OTUB1: variants seen among roughly 807,000 people sequenced by gnomAD.
OTUB1 encodes the protein OTU deubiquitinase, ubiquitin aldehyde binding 1, also known as ubiquitin thioesterase OTUB1.
A neutral mutation model predicts 35.8 loss-of-function variants in OTUB1; 10 were observed. The observed-to-expected ratio is 0.28, with a 90% confidence interval of 0.17 to 0.47. The LOEUF (loss-of-function observed/expected upper bound fraction) is 0.47, where lower values mean the gene tolerates loss of function less well. OTUB1 is among the 20% of genes least tolerant of loss of function. The pLI, the probability that OTUB1 is intolerant of heterozygous loss-of-function variation, is 0.99. For synonymous variants in OTUB1, 158 were observed against 143.8 expected (o/e 1.10, Z -0.71); for missense variants, 264 against 351.6 (o/e 0.75, Z 1.99).
chr11:63,987,335 G>A (rs1047232658), intron 1 of OTUB1, among the ~76,000 whole-genome samples: 9 of 152,230 alleles, frequency 5.9e-5, no homozygotes, highest in Non-Finnish European at 1.0e-4. Flanking sequence ...GAGGGAACGA[G>A]AAGTGGGAAA....
Position 63,986,609 on chromosome 11 carries a change from C to T in OTUB1, c.58+95C>T, listed in dbSNP as rs1942622293. On this transcript the variant is annotated intron_variant, in intron 1 of 6. Transcript: ENST00000538426. Reference sequence around the variant, plus strand: ...GGGAGGGGAGGCAGGGCCGCTGGCTCTGGGGTCGAGGTGCGCGAGGGGTCC... The same window carrying T: ...GGGAGGGGAGGCAGGGCCGCTGGCTTTGGGGTCGAGGTGCGCGAGGGGTCC... The T allele has an allele frequency of 1.9e-5, 23 of 1,181,478 alleles. No homozygotes were observed. In the South Asian group the frequency reaches 2.8e-4, roughly 15 times the overall value. The allele number at this position is 1,181,478 out of a possible 1,614,324, so 73.2% of individuals were successfully genotyped here.
At chr11:63,988,553 C>A in intron 2 of OTUB1, 101 bp from the exon 3 acceptor site, 2 of 1,248,594 alleles carry the variant, frequency 1.6e-6, no homozygotes, top group Non-Finnish European at 2.3e-6. Flanking sequence ...GGTCGCTGTG[C>A]CACCGGGTGA....
intron 3 of OTUB1, among the ~76,000 whole-genome samples, chr11:63,991,572 C>G (rs1565185161): frequency 6.6e-6 from 1 of 152,212 alleles, no homozygotes; most frequent in African/African-American, 2.4e-5. Flanking sequence ...AGAGCCCAAG[C>G]AGAGAGAGCT....
At chr11:63,990,812 C>T (rs1405536027) in intron 3 of OTUB1, among the ~76,000 whole-genome samples, 3 of 152,056 alleles carry the variant, frequency 2.0e-5, no homozygotes, top group African/African-American at 7.2e-5. Flanking sequence ...AGGAGGGCAG[C>T]ACAGCTCAGT....
chr11:63,993,393 G>C (rs2134308872), intron 3 of OTUB1, among the ~76,000 whole-genome samples: 1 of 152,294 alleles, frequency 6.6e-6, no homozygotes, highest in Admixed American at 6.5e-5. Context: ...TAGGGGCAAT[G>C]GCTCATGCCT....
Position 63,998,114 on chromosome 11 carries a change from G to A in OTUB1, c.*568G>A. ...CGGCTCAGGGCAGGTGGAGGAGCTG[G>A]GCCTCCCACAGGGTGCCCGGGCAGT... is the stretch of plus-strand genomic sequence containing the variant. On this transcript the variant is annotated 3_prime_UTR_variant, in exon 7 of 7. Coordinates refer to ENST00000538426, the MANE Select transcript of OTUB1 (RefSeq NM_017670.3). The A allele has an allele frequency of 3.0e-6, 1 of 334,798 alleles. No homozygotes were observed. The highest frequency in any genetic ancestry group is 5.6e-6 in the Non-Finnish European group (1 of 178,510). 20.7% of individuals were successfully genotyped at this position (334,798 alleles called of 1,614,324 possible).
At chr11:63,990,311 G>C (rs964180759) in intron 3 of OTUB1, 2 of 152,086 alleles carry the variant, frequency 1.3e-5, no homozygotes, top group African/African-American at 4.8e-5. Context: ...AGGATGACAT[G>C]TGAAATGGGG....
chr11:63,994,460 C>T (rs1187418041), intron 3 of OTUB1, among the ~76,000 whole-genome samples: 1 of 152,150 alleles, frequency 6.6e-6, no homozygotes, highest in East Asian at 1.9e-4. Context: ...ACCATGTTGG[C>T]CAGGATGGTC....
chr11:63,988,256 C>A, intron 1 of OTUB1, 81 bp from the exon 2 acceptor site: 3 of 1,137,066 alleles, frequency 2.6e-6, no homozygotes, highest in South Asian at 1.4e-5. Flanking sequence ...TGACCCTGGG[C>A]TGCTCTTGTC....
intron 3 of OTUB1, among the ~76,000 whole-genome samples, chr11:63,991,331 T>C (rs1015691769): frequency 6.6e-6 from 1 of 152,194 alleles, no homozygotes; most frequent in African/African-American, 2.4e-5. Flanking sequence ...ATTCCTCTTA[T>C]GTCAGTGTCC....
At chr11:63,990,699 G>C (rs1241848432) in intron 3 of OTUB1, 1 of 152,116 alleles carries the variant, frequency 6.6e-6, no homozygotes, top group African/African-American at 2.4e-5. Context: ...TCTTCCCCTG[G>C]AAGATGACAG....
In OTUB1 at chr11:63,997,704, C is replaced by T. The variant is rs112341603; in HGVS notation, c.*158C>T. ...TATTAAAGGGGGTGCTGGTGGTGAG[C>T]CGTGTGTGCGTGTCCCTGCTCTGCT... On this transcript the variant is annotated 3_prime_UTR_variant, in exon 7 of 7. Transcript: ENST00000538426. The T allele has an allele frequency of 1.5e-5, 11 of 724,774 alleles. No homozygotes were observed. Among genetic ancestry groups the T allele is most frequent in the Non-Finnish European group, 2.0e-5 (8 of 406,220 alleles). The allele number at this position is 724,774 out of a possible 1,614,324, so 44.9% of individuals were successfully genotyped here.
chr11:63,996,974 T>G (rs1482173141), intron 5 of OTUB1, 33 bp downstream of exon 5: 1 of 1,613,412 alleles, frequency 6.2e-7, no homozygotes, highest in Admixed American at 1.7e-5. Flanking sequence ...GGCTGGGCCA[T>G]GGGGGAGGGG....
intron 1 of OTUB1, chr11:63,986,881 C>T (rs1942625917): frequency 4.4e-6 from 1 of 226,222 alleles, no homozygotes; most frequent in Non-Finnish European, 8.6e-6. Flanking sequence ...AGGGCCGAGC[C>T]CCCCGGCCTG....
rs376676356 is a variant in OTUB1 at position 63,997,181 on chromosome 11, C to A, written c.555C>A (p.Arg185=). ...LRLLTSGYLQ[R]ESKFFEHFIE... The stretch of plus-strand genomic sequence containing the variant: ...TGCTCACCTCGGGCTACCTGCAGCG[C>A]GAGAGCAAGTTCTTCGAGCACTTCA... Residue 185 remains arginine (R), a synonymous_variant, in exon 6 of 7, where the codon CGC becomes CGA. Transcript: ENST00000538426. The A allele has an allele frequency of 1.2e-6, 2 of 1,614,222 alleles. No homozygotes were observed. Among genetic ancestry groups the A allele is most frequent in the African/African-American group, 2.7e-5 (2 of 75,056 alleles).
chr11:63,990,741 C>G (rs974009842), intron 3 of OTUB1: 1 of 152,198 alleles, frequency 6.6e-6, no homozygotes, highest in Non-Finnish European at 1.5e-5. Flanking sequence ...TAGGGGAGGC[C>G]TCTGTGGCCA....
Position 63,997,659 on chromosome 11 carries a change from C to A in OTUB1, c.*113C>A. On this transcript the variant is annotated 3_prime_UTR_variant, in exon 7 of 7. Transcript: ENST00000538426. ...CTATTTCACCCCCTTCTTCCTGTCA[C>A]ATGACCCCCCCCCATGTTTTATTAA... is the stretch of plus-strand genomic sequence containing the variant. 2.4e-6 allele frequency: 2 copies of A among 837,450 alleles called. No homozygotes were observed. The highest frequency in any genetic ancestry group is 3.9e-6 in the Non-Finnish European group (2 of 509,174). 51.9% of individuals were successfully genotyped at this position (837,450 alleles called of 1,614,324 possible).
At chr11:63,986,912 G>C (rs1038074287) in intron 1 of OTUB1, 2 of 195,618 alleles carry the variant, frequency 1.0e-5, no homozygotes, top group Non-Finnish European at 2.1e-5. Context: ...GGCCCGCGCC[G>C]TGAGGGCCTC....
At chr11:63,986,715 G>A (rs1334186792) in intron 1 of OTUB1, 6 of 553,016 alleles carry the variant, frequency 1.1e-5, no homozygotes, top group Admixed American at 3.5e-5. Flanking sequence ...AGGGAGCACG[G>A]GCGAGGCGGG....
Sources: gnomAD v4.1 joint callset for allele counts (sites outside exome capture counted in the v4.1 genomes callset) on GRCh38, gnomAD v4.1.1 for gene constraint, MANE v1.5 for transcripts, NCBI Gene and HGNC (gene_info 2026-07-23, HGNC 2026-07-21) for gene names.